The following THSD7B variants were observed in gnomAD, a reference collection of about 807,000 sequenced individuals.
The protein encoded by THSD7B is thrombospondin type-1 domain-containing protein 7B.
THSD7B carries 138 observed loss-of-function variants against 213.6 expected under a neutral mutation model. The ratio of observed to expected loss-of-function variants is 0.65; its 90% CI spans 0.56 to 0.74. The LOEUF is 0.74. Ranked by LOEUF, THSD7B falls within the 30% of genes least tolerant of loss-of-function variation. The probability of loss-of-function intolerance (pLI) is 0.00; values close to 1 mark genes in which losing one functional copy is unlikely to be tolerated. For synonymous variants in THSD7B, 742 were observed against 687.0 expected (o/e 1.08, Z -1.25); for missense variants, 1,931 against 1,991.5 (o/e 0.97, Z 0.58).
intron 2 of THSD7B, among the ~76,000 whole-genome samples, chr2:137,020,421 T>G (rs1182560460): frequency 6.6e-6 from 1 of 152,162 alleles, no homozygotes; most frequent in Non-Finnish European, 1.5e-5. Flanking sequence ...TTTAGAAAAT[T>G]GATTGTGCTT....
chr2:137,603,178 C>T (rs1269800458), intron 17 of THSD7B, among the ~76,000 whole-genome samples: 1 of 152,184 alleles, frequency 6.6e-6, no homozygotes, highest in Non-Finnish European at 1.5e-5. Flanking sequence ...AATATGGACA[C>T]CACCACTTTG....
At chr2:137,338,903 T>C (rs1330045889) in intron 12 of THSD7B, among the ~76,000 whole-genome samples, 1 of 151,992 alleles carries the variant, frequency 6.6e-6, no homozygotes, top group Non-Finnish European at 1.5e-5. Flanking sequence ...TCTTTAGAGA[T>C]TTTATGAAGG....
At chr2:137,390,437 G>T (rs1419234813) in intron 12 of THSD7B, among the ~76,000 whole-genome samples, 2 of 151,990 alleles carry the variant, frequency 1.3e-5, no homozygotes, top group African/African-American at 4.8e-5. Flanking sequence ...TTTTTTAAAT[G>T]GAATCTTTAT....
intron 15 of THSD7B, among the ~76,000 whole-genome samples, chr2:137,543,323 A>G (rs1680642565): frequency 6.6e-6 from 1 of 151,864 alleles, no homozygotes; most frequent in South Asian, 2.1e-4. Context: ...ACAGGATGGG[A>G]GTATCTCTGC....
intron 12 of THSD7B, among the ~76,000 whole-genome samples, chr2:137,369,183 G>A (rs1306717388): frequency 9.9e-5 from 15 of 151,564 alleles, no homozygotes; most frequent in Non-Finnish European, 2.9e-5. Flanking sequence ...GACAACTTTA[G>A]ACACTATTTG....
At chr2:137,027,878 G>C (rs1686584075) in intron 2 of THSD7B, among the ~76,000 whole-genome samples, 2 of 152,108 alleles carry the variant, frequency 1.3e-5, no homozygotes, top group African/African-American at 4.8e-5. Flanking sequence ...CAAGATACTT[G>C]CTTCAATTTC....
intron 2 of THSD7B, among the ~76,000 whole-genome samples, chr2:136,921,086 G>A (rs188682967): frequency 2.9e-4 from 44 of 152,032 alleles, no homozygotes; most frequent in African/African-American, 6.7e-4. Flanking sequence ...GGTAGAAGGC[G>A]GGGCTCTCAT....
intron 1 of THSD7B, among the ~76,000 whole-genome samples, chr2:136,841,805 T>C (rs1682925490): frequency 6.6e-6 from 1 of 152,086 alleles, no homozygotes; most frequent in African/African-American, 2.4e-5. Flanking sequence ...TGCTTACGAA[T>C]CTGGATCTCA....
At chr2:137,031,293 C>T (rs772563779) in intron 2 of THSD7B, among the ~76,000 whole-genome samples, 17 of 152,044 alleles carry the variant, frequency 1.1e-4, no homozygotes, top group Admixed American at 8.5e-4. Flanking sequence ...TGCAGTAAGC[C>T]GAGATCATGC....
At chr2:137,279,727 G>A (rs1250122015) in intron 12 of THSD7B, among the ~76,000 whole-genome samples, 1 of 152,044 alleles carries the variant, frequency 6.6e-6, no homozygotes, top group African/African-American at 2.4e-5. Context: ...TTTTTTGCTG[G>A]TTTAAACACA....
At chr2:137,536,190 GC>G (rs1412520700) in intron 15 of THSD7B, among the ~76,000 whole-genome samples, 8 of 150,728 alleles carry the variant, frequency 5.3e-5, no homozygotes, top group Non-Finnish European at 1.2e-4. Context: ...ATTGGTCTGA[GC>G]TTGTCTGAAG....
At chr2:136,874,237 G>T (rs74485163) in intron 1 of THSD7B, among the ~76,000 whole-genome samples, 1 of 152,172 alleles carries the variant, frequency 6.6e-6, no homozygotes, top group African/African-American at 2.4e-5. Context: ...TCAGGTTGTT[G>T]CTTGATGGAC....
chr2:137,072,033 A>C (rs1045544407), intron 3 of THSD7B, among the ~76,000 whole-genome samples: 1 of 152,206 alleles, frequency 6.6e-6, no homozygotes, highest in Non-Finnish European at 1.5e-5. Context: ...GTTTGAAGTC[A>C]GGTAGCGTGA....
At chr2:136,955,379 A>G (rs72617052) in intron 2 of THSD7B, among the ~76,000 whole-genome samples, 19,661 of 152,098 alleles carry the variant, frequency 0.13, 1,734 homozygotes, top group East Asian at 0.42. Flanking sequence ...AATTAGCCTC[A>G]CTCCAGAAGG....
intron 12 of THSD7B, among the ~76,000 whole-genome samples, chr2:137,286,590 A>G (rs1449517601): frequency 2.0e-5 from 3 of 151,568 alleles, no homozygotes; most frequent in Admixed American, 6.6e-5. Context: ...ATCAGAAGCA[A>G]AAAGTCATTT....
At chr2:137,403,058 C>T (rs1686408489) in intron 12 of THSD7B, among the ~76,000 whole-genome samples, 1 of 152,142 alleles carries the variant, frequency 6.6e-6, no homozygotes, top group South Asian at 2.1e-4. Flanking sequence ...GTAATATTCC[C>T]AACAAAGAAA....
intron 12 of THSD7B, among the ~76,000 whole-genome samples, chr2:137,323,098 T>C (rs1312130613): frequency 1.3e-5 from 2 of 152,092 alleles, no homozygotes; most frequent in Non-Finnish European, 2.9e-5. Flanking sequence ...ACTCAAGGAA[T>C]GTGATAATAG....
chr2:137,641,591 G>C (rs549721356), intron 20 of THSD7B, among the ~76,000 whole-genome samples: 1 of 152,226 alleles, frequency 6.6e-6, no homozygotes, highest in South Asian at 2.1e-4. Flanking sequence ...GAAAGAGAGA[G>C]TGAGAGTGAA....
chr2:136,891,208 T>C (rs1230192884), intron 2 of THSD7B, among the ~76,000 whole-genome samples: 1 of 152,128 alleles, frequency 6.6e-6, no homozygotes. Flanking sequence ...CTCTGAGTCA[T>C]TTTTTCCTGT....
Sources: allele counts gnomAD v4.1 joint callset (sites outside exome capture counted in the v4.1 genomes callset), GRCh38; gene constraint gnomAD v4.1.1; transcripts MANE v1.5; gene names NCBI Gene and HGNC (gene_info 2026-07-23, HGNC 2026-07-21).